ADAMTS19: variants seen among roughly 807,000 people sequenced by gnomAD.
The protein encoded by ADAMTS19 is A disintegrin and metalloproteinase with thrombospondin motifs 19.
In ADAMTS19, 93 loss-of-function variants were observed where a neutral mutation model predicts 153.3. The ratio of observed to expected loss-of-function variants is 0.61; its 90% CI spans 0.51 to 0.72. ADAMTS19 has a LOEUF of 0.72. ADAMTS19 is among the 30% of genes least tolerant of loss of function. The probability of loss-of-function intolerance (pLI) is 0.00; values close to 1 mark genes in which losing one functional copy is unlikely to be tolerated. For synonymous variants in ADAMTS19, 600 were observed against 556.6 expected (o/e 1.08, Z -1.10); for missense variants, 1,482 against 1,552.1 (o/e 0.95, Z 0.76).
At position 129,622,270 on chromosome 5, in the gene ADAMTS19, G is replaced by T. The variant is rs765434853; in HGVS notation, c.1692G>T (p.Leu564=). Residue 564 remains leucine (L), a synonymous_variant, in exon 10 of 23, where the codon CTG becomes CTT. Coordinates refer to ENST00000274487, the MANE Select transcript of ADAMTS19 (RefSeq NM_133638.6). ...SVNSVMVPSK[L]PGMTYTADEQ... is the part of the protein sequence containing the mutation. ...ATTCTGTGATGGTTCCCTCCAAGCT[G>T]CCAGGGATGACATACACTGCTGATG... 36 of 1,613,958 alleles carry T rather than the reference G, an allele frequency of 2.2e-5. No individual in the cohort carries two copies. The highest frequency in any genetic ancestry group is 2.9e-5 in the Non-Finnish European group (34 of 1,180,008).
intron 2 of ADAMTS19, among the ~76,000 whole-genome samples, chr5:129,471,529 A>C (rs912513994): frequency 1.6e-4 from 24 of 152,148 alleles, no homozygotes; most frequent in African/African-American, 5.6e-4. Context: ...AAATGAATAA[A>C]TAAATAAAAA....
At chr5:129,562,417 T>G (rs555804788) in intron 7 of ADAMTS19, among the ~76,000 whole-genome samples, 1 of 152,350 alleles carries the variant, frequency 6.6e-6, no homozygotes, top group East Asian at 1.9e-4. Context: ...TTGGTGCCAC[T>G]GTCTTGACTA....
Position 129,464,516 on chromosome 5 carries a change from G to T in ADAMTS19, c.747+2759G>T, listed in dbSNP as rs1749791193. 2.0e-5 allele frequency among the ~76,000 whole-genome samples: 3 copies of T among 152,132 alleles called. 1 individual carries two copies. The South Asian group carries it at 6.2e-4, about 31-fold the overall frequency. On this transcript the variant is annotated intron_variant, in intron 2 of 22. Coordinates refer to ENST00000274487, the MANE Select transcript of ADAMTS19 (RefSeq NM_133638.6). ...TAGTAAGCTTTGCCTACTGGTACCT[G>T]AACTTTTCAATATCTTTTGGATTAT...
intron 8 of ADAMTS19, 28 bp downstream of exon 8, chr5:129,596,692 T>C (rs371493122): frequency 6.9e-7 from 1 of 1,453,076 alleles, no homozygotes; most frequent in Non-Finnish European, 9.6e-7. Flanking sequence ...CTATGTTAAA[T>C]ATGTTAGCAT....
intron 10 of ADAMTS19, among the ~76,000 whole-genome samples, chr5:129,640,144 C>T (rs1752728849): frequency 6.6e-6 from 1 of 152,030 alleles, no homozygotes; most frequent in African/African-American, 2.4e-5. Context: ...AAAAAAGTCA[C>T]AGAAAAGAAA....
intron 7 of ADAMTS19, among the ~76,000 whole-genome samples, chr5:129,561,597 G>T (rs1274796382): frequency 6.6e-6 from 1 of 151,706 alleles, no homozygotes; most frequent in Non-Finnish European, 1.5e-5. Context: ...TTTCTAAAAC[G>T]CATGTCGTAG....
At chr5:129,654,256 T>C (rs1753443588) in intron 13 of ADAMTS19, 50 bp from the exon 14 acceptor site, 1 of 1,524,630 alleles carries the variant, frequency 6.6e-7, no homozygotes, top group East Asian at 2.3e-5. Flanking sequence ...AAGATAAAAA[T>C]ATTTATGGGG....
intron 2 of ADAMTS19, among the ~76,000 whole-genome samples, chr5:129,476,330 T>G (rs1580987046): frequency 6.6e-6 from 1 of 152,038 alleles, no homozygotes; most frequent in Non-Finnish European, 1.5e-5. Flanking sequence ...GAATACAAAA[T>G]AGGAAATCAC....
chr5:129,611,258 A>G (rs113150315), intron 8 of ADAMTS19, among the ~76,000 whole-genome samples: 11,278 of 152,054 alleles, frequency 0.074, 1,336 homozygotes, highest in African/African-American at 0.25. Context: ...CTCTGATGGT[A>G]GTTTCTTTTG....
chr5:129,705,392 C>G (rs986796289), intron 21 of ADAMTS19, among the ~76,000 whole-genome samples: 2 of 152,064 alleles, frequency 1.3e-5, no homozygotes, highest in African/African-American at 4.8e-5. Flanking sequence ...CACAGTGTTG[C>G]CCCAAAGCAA....
chr5:129,676,486 C>T (rs1276174756), intron 16 of ADAMTS19, among the ~76,000 whole-genome samples: 1 of 152,092 alleles, frequency 6.6e-6, no homozygotes, highest in African/African-American at 2.4e-5. Context: ...CATCTGTCCT[C>T]TGTGTGGGTT....
intron 7 of ADAMTS19, among the ~76,000 whole-genome samples, chr5:129,582,424 C>T (rs1422628837): frequency 6.6e-6 from 1 of 150,712 alleles, no homozygotes; most frequent in Admixed American, 6.6e-5. Context: ...AACCTCTGCT[C>T]TTTTTTTTGC....
intron 2 of ADAMTS19, among the ~76,000 whole-genome samples, chr5:129,485,789 C>T (rs549217367): frequency 9.2e-5 from 14 of 151,648 alleles, no homozygotes; most frequent in East Asian, 1.9e-4. Context: ...TGAATGTGTT[C>T]ATTTATTTAT....
chr5:129,468,596 C>A (rs574690604), intron 2 of ADAMTS19, among the ~76,000 whole-genome samples: 1 of 150,608 alleles, frequency 6.6e-6, no homozygotes. Context: ...TCATGATCCG[C>A]CCACCTTGGC....
At chr5:129,537,949 A>T (rs1351673653) in intron 6 of ADAMTS19, among the ~76,000 whole-genome samples, 4 of 151,852 alleles carry the variant, frequency 2.6e-5, no homozygotes, top group African/African-American at 9.7e-5. Context: ...AAATACACAA[A>T]AAAAGAAAAA....
At position 129,536,625 on chromosome 5, in the gene ADAMTS19, C is replaced by T. The variant is rs576031879; in HGVS notation, c.1328+7948C>T. Among the ~76,000 whole-genome samples the T allele has an allele frequency of 4.7e-3, 709 of 152,186 alleles. 2 individuals are homozygous for T. Among genetic ancestry groups the T allele is most frequent in the Non-Finnish European group, 7.1e-3 (486 of 68,016 alleles). ...GACACATGCACATGTATGTTTACTG[C>T]GGCACTATTCACAATAGCAAAGACT... is the stretch of plus-strand genomic sequence containing the variant. On this transcript the variant is annotated intron_variant, in intron 6 of 22. Coordinates refer to ENST00000274487, the MANE Select transcript of ADAMTS19 (RefSeq NM_133638.6).
intron 14 of ADAMTS19, 22 bp downstream of exon 14, chr5:129,654,455 A>G: frequency 6.3e-7 from 1 of 1,597,594 alleles, no homozygotes; most frequent in Non-Finnish European, 8.5e-7. Flanking sequence ...CAAAAAAAAA[A>G]AGAATTTATA....
intron 8 of ADAMTS19, among the ~76,000 whole-genome samples, chr5:129,606,202 G>C (rs541722737): frequency 2.3e-4 from 35 of 152,284 alleles, no homozygotes; most frequent in African/African-American, 7.2e-4. Context: ...CTTGTGACTA[G>C]TAAGCCTTTG....
In ADAMTS19 at chr5:129,622,306, G is replaced by T. The variant is rs1751814387; in HGVS notation, c.1728G>T (p.Gln576His). ...CATACACTGCTGATGAACAATGCCA[G>T]ATCCTTTTTGGGCCATTGGCTTCTT... Reference protein sequence around the residue: ...GMTYTADEQCQILFGPLASFC... With the variant: ...GMTYTADEQCHILFGPLASFC... The change falls in exon 10 of 23, where the codon CAG becomes CAT. Residue 576 changes from glutamine to histidine, a missense_variant. Around this residue, in one of 2 missense-constraint regions of ADAMTS19, gnomAD observed 866 missense variants for 827.7 expected, o/e 1.05. Transcript: ENST00000274487. 1.2e-6 allele frequency: 2 copies of T among 1,614,088 alleles called. No individual in the cohort carries two copies. The highest frequency in any genetic ancestry group is 8.5e-7 in the Non-Finnish European group (1 of 1,179,990).
Sources: gnomAD v4.1 joint callset for allele counts (sites outside exome capture counted in the v4.1 genomes callset) on GRCh38, gnomAD v4.1.1 for gene constraint, gnomAD v4.1.1 regional missense constraint, MANE v1.5 for transcripts, NCBI Gene and HGNC (gene_info 2026-07-23, HGNC 2026-07-21) for gene names.